The following ALCAM variants were observed in gnomAD, a reference collection of about 807,000 sequenced individuals.
ALCAM encodes activated leukocyte cell adhesion molecule, also known as CD166 antigen.
Under a neutral mutation model 70.9 loss-of-function variants are expected in ALCAM, and 30 were observed. The observed-to-expected ratio is 0.42, with a 90% CI of 0.32 to 0.57. The LOEUF (loss-of-function observed/expected upper bound fraction) is 0.57, where lower values mean the gene tolerates loss of function less well. Ranked by LOEUF, ALCAM falls within the 20% of genes least tolerant of loss-of-function variation. The pLI, the probability that ALCAM is intolerant of heterozygous loss-of-function variation, is 0.11. For missense variants in ALCAM, 591 were observed against 695.1 expected (o/e 0.85, Z 1.68); for synonymous variants, 249 against 242.5 (o/e 1.03, Z -0.25).
At chr3:105,411,956 T>C (rs1197040755) in intron 1 of ALCAM, among the ~76,000 whole-genome samples, 1 of 152,070 alleles carries the variant, frequency 6.6e-6, no homozygotes, top group Admixed American at 6.6e-5. Context: ...ATAAAAAATT[T>C]ATGTTGTAAA....
At chr3:105,441,965 A>T (rs1187522677) in intron 1 of ALCAM, among the ~76,000 whole-genome samples, 4 of 152,226 alleles carry the variant, frequency 2.6e-5, no homozygotes, top group African/African-American at 9.6e-5. Flanking sequence ...TCCCTTTCAA[A>T]TAGCATTTAG....
At chr3:105,422,924 A>G (rs571949140) in intron 1 of ALCAM, among the ~76,000 whole-genome samples, 1 of 151,604 alleles carries the variant, frequency 6.6e-6, no homozygotes, top group Admixed American at 6.6e-5. Context: ...TATCAGTTGT[A>G]CTAGTTCGGC....
chr3:105,368,884 C>G (rs1935152308), intron 1 of ALCAM, among the ~76,000 whole-genome samples: 1 of 152,152 alleles, frequency 6.6e-6, no homozygotes, highest in Non-Finnish European at 1.5e-5. Context: ...CGTTCTCTGA[C>G]AAATCTCGGG....
chr3:105,368,223 A>AAGAGAGAGAGAAAGAGAGAGAGAGAGAG (rs1935122993), intron 1 of ALCAM, among the ~76,000 whole-genome samples: 1 of 67,790 alleles, frequency 1.5e-5, no homozygotes, highest in Non-Finnish European at 2.8e-5. Context: ...TGAGTCTTGG[A>AAGAGAGAGAGAAAGAGAGAGAGAGAGAG]AGAGAGAGAG....
chr3:105,448,388 AT>A (rs1185529227), intron 1 of ALCAM, among the ~76,000 whole-genome samples: 1 of 129,310 alleles, frequency 7.7e-6, no homozygotes, highest in Non-Finnish European at 1.6e-5. Context: ...ATGTCCTTGC[AT>A]TTTGTAGTCT....
At chr3:105,480,324 C>T (rs1264894821) in intron 1 of ALCAM, among the ~76,000 whole-genome samples, 2 of 151,786 alleles carry the variant, frequency 1.3e-5, no homozygotes, top group African/African-American at 2.4e-5. Context: ...CACTCCAGAG[C>T]CTGGGCAGCA....
chr3:105,548,983 G>C (rs3772544), intron 11 of ALCAM, among the ~76,000 whole-genome samples: 15,252 of 151,424 alleles, frequency 0.1, 977 homozygotes, highest in Middle Eastern at 0.17. Flanking sequence ...TTAATGAAAA[G>C]ATATGAAGAT....
chr3:105,450,852 G>A (rs1412892418), intron 1 of ALCAM, among the ~76,000 whole-genome samples: 10 of 152,082 alleles, frequency 6.6e-5, no homozygotes, highest in Admixed American at 6.5e-4. Context: ...TGGGAGATCA[G>A]ATTTAAGGCA....
chr3:105,389,657 G>T (rs1415088687), intron 1 of ALCAM, among the ~76,000 whole-genome samples: 2 of 151,276 alleles, frequency 1.3e-5, no homozygotes, highest in African/African-American at 4.8e-5. Context: ...GTGTGGCATG[G>T]TGATTTGCTG....
At chr3:105,448,094 C>G (rs1223833170) in intron 1 of ALCAM, among the ~76,000 whole-genome samples, 1 of 152,104 alleles carries the variant, frequency 6.6e-6, no homozygotes, top group Non-Finnish European at 1.5e-5. Flanking sequence ...TGTGGAAACC[C>G]TGTTTTATAA....
chr3:105,563,977 G>A (rs1012433924), intron 14 of ALCAM, among the ~76,000 whole-genome samples: 10 of 151,978 alleles, frequency 6.6e-5, no homozygotes, highest in South Asian at 2.1e-4. Flanking sequence ...GTGAGCCACC[G>A]CGCCCGGCCC....
chr3:105,449,842 G>T (rs1236427581), intron 1 of ALCAM, among the ~76,000 whole-genome samples: 1 of 152,094 alleles, frequency 6.6e-6, no homozygotes, highest in African/African-American at 2.4e-5. Context: ...ACCACCAAGA[G>T]AATGGTGGCA....
chr3:105,403,214 C>T (rs890104883), intron 1 of ALCAM, among the ~76,000 whole-genome samples: 9 of 152,028 alleles, frequency 5.9e-5, no homozygotes, highest in African/African-American at 1.9e-4. Flanking sequence ...CCCACAGTGC[C>T]GGGATTACAG....
At chr3:105,540,215 A>C in intron 7 of ALCAM, 113 bp downstream of exon 7, 1 of 1,125,634 alleles carries the variant, frequency 8.9e-7, no homozygotes, top group Non-Finnish European at 1.2e-6. Flanking sequence ...AAGAGACGCC[A>C]CCTATAAAAT....
At chr3:105,438,935 A>G (rs1937112632) in intron 1 of ALCAM, among the ~76,000 whole-genome samples, 1 of 152,134 alleles carries the variant, frequency 6.6e-6, no homozygotes, top group Non-Finnish European at 1.5e-5. Context: ...AGGAAGAAAG[A>G]AGGGAGGAAG....
In ALCAM at chr3:105,391,172, C is replaced by A. The variant is rs1935807832; in HGVS notation, c.73+23691C>A. 7.9e-5 allele frequency among the ~76,000 whole-genome samples: 12 copies of A among 151,782 alleles called. 1 individual carries two copies. Among genetic ancestry groups the A allele is most frequent in the Admixed American group, 7.9e-4 (12 of 15,208 alleles). The stretch of plus-strand genomic sequence containing the variant: ...CTTGATGGTAATAGCATTGAATCTA[C>A]AAATTACTTTGGGCGGTATGGCCAT... On this transcript the variant is annotated intron_variant, in intron 1 of 15. Coordinates refer to ENST00000306107, the MANE Select transcript of ALCAM (RefSeq NM_001627.4).
chr3:105,428,698 C>T (rs1936856292), intron 1 of ALCAM, among the ~76,000 whole-genome samples: 1 of 151,908 alleles, frequency 6.6e-6, no homozygotes, highest in Non-Finnish European at 1.5e-5. Context: ...CCTATAGAAA[C>T]ATGGTAGTTG....
chr3:105,533,067 A>G (rs1053275543), intron 4 of ALCAM, among the ~76,000 whole-genome samples: 2 of 152,176 alleles, frequency 1.3e-5, no homozygotes, highest in African/African-American at 4.8e-5. Flanking sequence ...TTTGTGTCAT[A>G]TTAAATTTTA....
intron 6 of ALCAM, among the ~76,000 whole-genome samples, 181 bp from the exon 7 acceptor site, chr3:105,539,794 A>C (rs1010037604): frequency 6.6e-6 from 1 of 152,088 alleles, no homozygotes; most frequent in Admixed American, 6.6e-5. Context: ...GTTGGCCCTA[A>C]GATTAGTACT....
Sources: gnomAD v4.1 joint callset for allele counts (sites outside exome capture counted in the v4.1 genomes callset) on GRCh38, gnomAD v4.1.1 for gene constraint, MANE v1.5 for transcripts, NCBI Gene and HGNC (gene_info 2026-07-23, HGNC 2026-07-21) for gene names.